The following DOCK3 variants were observed in gnomAD, a reference collection of about 807,000 sequenced individuals.
DOCK3 encodes dedicator of cytokinesis protein 3.
A neutral mutation model predicts 265.6 loss-of-function variants in DOCK3; 60 were observed. The observed-to-expected ratio is 0.23, with a 90% CI of 0.18 to 0.28. DOCK3 has a LOEUF of 0.28. DOCK3 is among the 10% of genes least tolerant of loss of function. DOCK3 has a pLI of 1.00. For synonymous variants in DOCK3, 881 were observed against 938.0 expected (o/e 0.94, Z 1.11); for missense variants, 1,981 against 2,594.3 (o/e 0.76, Z 5.14).
chr3:51,235,033 C>T (rs1050165490), intron 19 of DOCK3, among the ~76,000 whole-genome samples: 5 of 152,172 alleles, frequency 3.3e-5, no homozygotes, highest in African/African-American at 7.2e-5. Context: ...CCATCACAAG[C>T]GTCAAATGAA....
At chr3:50,893,219 A>G in intron 4 of DOCK3, 1 of 284,624 alleles carries the variant, frequency 3.5e-6, no homozygotes, top group Non-Finnish European at 6.8e-6. Flanking sequence ...GATCGGGAAT[A>G]CATGACACAA....
chr3:51,372,805 A>C (rs1179924002), intron 49 of DOCK3, among the ~76,000 whole-genome samples: 1 of 152,182 alleles, frequency 6.6e-6, no homozygotes, highest in Non-Finnish European at 1.5e-5. Context: ...CTTGCTGGGA[A>C]AGCACTATAT....
At chr3:50,758,749 T>C (rs546195603) in intron 1 of DOCK3, among the ~76,000 whole-genome samples, 1 of 152,290 alleles carries the variant, frequency 6.6e-6, no homozygotes, top group East Asian at 1.9e-4. Context: ...CCGGGAACAA[T>C]GTATTACAGA....
intron 14 of DOCK3, 51 bp downstream of exon 14, chr3:51,214,298 T>C: frequency 6.2e-7 from 1 of 1,603,986 alleles, no homozygotes; most frequent in Non-Finnish European, 8.5e-7. Flanking sequence ...GGATGGAATC[T>C]GGTGCTCCCC....
intron 21 of DOCK3, among the ~76,000 whole-genome samples, chr3:51,243,305 A>G (rs1374139616): frequency 6.6e-6 from 1 of 152,184 alleles, no homozygotes; most frequent in Non-Finnish European, 1.5e-5. Context: ...CAACTCAAGT[A>G]TCTGTGGTGG....
In DOCK3 at chr3:51,332,295, A is replaced by C. The variant is rs1301746860; in HGVS notation, c.3489-706A>C. On this transcript the variant is annotated intron_variant, in intron 33 of 52. Coordinates refer to ENST00000266037, the MANE Select transcript of DOCK3 (RefSeq NM_004947.5). ...AGTTCAGGTCATTGTCCATTAGGAA[A>C]GACCTGTGCGATGGCAGAGGATCTC... Among the ~76,000 whole-genome samples the C allele has an allele frequency of 2.6e-5, 4 of 152,250 alleles. No homozygotes were observed. In the East Asian group the frequency reaches 7.7e-4, roughly 29 times the overall value.
chr3:51,014,998 A>G (rs1159884419), intron 5 of DOCK3, among the ~76,000 whole-genome samples: 1 of 152,116 alleles, frequency 6.6e-6, no homozygotes, highest in Non-Finnish European at 1.5e-5. Flanking sequence ...AGTATCCTCC[A>G]ACTTTACTGA....
At chr3:51,347,551 A>G (rs1003467222) in intron 38 of DOCK3, among the ~76,000 whole-genome samples, 6 of 152,166 alleles carry the variant, frequency 3.9e-5, no homozygotes, top group Non-Finnish European at 2.9e-5. Flanking sequence ...GCCTTGTAGT[A>G]TAGTTTGAAG....
At chr3:51,143,146 CA>C (rs1185204849) in intron 9 of DOCK3, among the ~76,000 whole-genome samples, 1 of 152,046 alleles carries the variant, frequency 6.6e-6, no homozygotes, top group East Asian at 1.9e-4. Context: ...CTCGGCCTCT[CA>C]AAGTGCTGGG....
At chr3:51,375,914 GC>G in intron 51 of DOCK3, 79 bp downstream of exon 51, 1 of 1,484,792 alleles carries the variant, frequency 6.7e-7, no homozygotes, top group Non-Finnish European at 9.4e-7. Flanking sequence ...GTACCAGCTG[GC>G]CAGGGCTAAG....
chr3:51,112,103 T>C (rs922782218), intron 9 of DOCK3, among the ~76,000 whole-genome samples: 6 of 152,160 alleles, frequency 3.9e-5, no homozygotes, highest in Non-Finnish European at 5.9e-5. Context: ...ACTTATACAC[T>C]GTTGGTGGGA....
chr3:51,100,414 T>C (rs890223355), intron 9 of DOCK3, among the ~76,000 whole-genome samples: 1 of 152,140 alleles, frequency 6.6e-6, no homozygotes, highest in African/African-American at 2.4e-5. Flanking sequence ...AACCAAGAGA[T>C]GGAACCTGGG....
At chr3:50,964,510 A>G (rs2076974080) in intron 5 of DOCK3, among the ~76,000 whole-genome samples, 1 of 152,188 alleles carries the variant, frequency 6.6e-6, no homozygotes, top group Non-Finnish European at 1.5e-5. Flanking sequence ...TCAATGGCAG[A>G]TCGAAGAAAG....
chr3:50,886,933 T>C (rs990405780), intron 3 of DOCK3, among the ~76,000 whole-genome samples: 1 of 151,980 alleles, frequency 6.6e-6, no homozygotes, highest in Admixed American at 6.6e-5. Flanking sequence ...ATTGACACCC[T>C]AACATCACAA....
Position 51,381,349 on chromosome 3 carries a change from C to T in DOCK3, c.5883C>T (p.Cys1961=), listed in dbSNP as rs2088625117. 4.3e-6 allele frequency: 7 copies of T among 1,613,236 alleles called. No homozygotes were observed. Among genetic ancestry groups the T allele is most frequent in the Non-Finnish European group, 5.9e-6 (7 of 1,179,862 alleles). ...QPCRSHSAPG[C]VIPQDPMDPP... is the part of the protein sequence containing the mutation. ...GCCGAAGCCACTCAGCCCCAGGGTG[C>T]GTCATCCCTCAGGACCCCATGGACC... Residue 1961 remains cysteine, a synonymous_variant, in exon 53 of 53, where the codon TGC becomes TGT. Transcript: ENST00000266037. This position sits in a 1 kb window ranked among gnomAD's most constrained non-coding sequence, Gnocchi z 5.6.
chr3:50,808,660 G>C (rs1043093474), intron 2 of DOCK3, among the ~76,000 whole-genome samples: 2 of 152,134 alleles, frequency 1.3e-5, no homozygotes, highest in East Asian at 3.8e-4. Context: ...TCACCAGCAG[G>C]CTCCATGTTC....
At chr3:50,857,608 G>A (rs986025911) in intron 3 of DOCK3, among the ~76,000 whole-genome samples, 5 of 152,128 alleles carry the variant, frequency 3.3e-5, no homozygotes, top group African/African-American at 1.2e-4. Flanking sequence ...CCATCAAAAA[G>A]TGGGCAAAGA....
At chr3:51,101,451 C>T (rs1171408745) in intron 9 of DOCK3, among the ~76,000 whole-genome samples, 2 of 152,028 alleles carry the variant, frequency 1.3e-5, no homozygotes, top group South Asian at 2.1e-4. Flanking sequence ...AATTGCAAGG[C>T]GGTAGAGATC....
intron 2 of DOCK3, among the ~76,000 whole-genome samples, chr3:50,789,824 C>T (rs1282047739): frequency 6.6e-6 from 1 of 152,180 alleles, no homozygotes; most frequent in African/African-American, 2.4e-5. Context: ...CCTGTGCCTT[C>T]TGGGTTCAAG....
Sources: gnomAD v4.1 joint callset for allele counts (sites outside exome capture counted in the v4.1 genomes callset) on GRCh38, gnomAD v4.1.1 for gene constraint, Gnocchi (gnomAD v3.1) non-coding constraint, MANE v1.5 for transcripts, NCBI Gene and HGNC (gene_info 2026-07-23, HGNC 2026-07-21) for gene names.